Variants in GP9 observed in about 807,000 individuals in gnomAD.
The protein encoded by GP9 is glycoprotein IX platelet, also known as platelet glycoprotein IX.
For missense variants in GP9, 228 were observed against 241.8 expected (o/e 0.94, Z 0.38); for synonymous variants, 116 against 116.7 (o/e 0.99, Z 0.04).
chr3:129,062,364 C>A lies in GP9; in HGVS notation c.*91C>A. 1 of 849,590 alleles carries A rather than the reference C, an allele frequency of 1.2e-6. No homozygotes were observed. The highest frequency in any genetic ancestry group is 1.8e-6 in the Non-Finnish European group (1 of 547,560). The allele number at this position is 849,590 out of a possible 1,614,324, so 52.6% of individuals were successfully genotyped here. A position where few individuals can be genotyped will look rare whatever the true frequency, so the allele number is the denominator to read the frequency against. On this transcript the variant is annotated 3_prime_UTR_variant, in exon 3 of 3. Transcript: ENST00000307395. ...CACCAAGCCTGGTCAGCCCAAACCA[C>A]CAGAAGCCCAGAATAAACTGGCAGC...
chr3:129,055,054 G>T, the GP9 span, among the ~76,000 whole-genome samples: 1 of 152,212 alleles, frequency 6.6e-6, no homozygotes, highest in East Asian at 1.9e-4. Flanking sequence ...AGTCGGTCAT[G>T]TCAGTCTTAC....
rs919887424 is a variant in GP9, at chr3:129,062,293, T to C, written c.*20T>C. 2.0e-6 allele frequency: 3 copies of C among 1,525,582 alleles called. No homozygotes were observed. Among genetic ancestry groups the C allele is most frequent in the East Asian group, 2.5e-5 (1 of 40,658 alleles). 94.5% of individuals were successfully genotyped at this position (1,525,582 alleles called of 1,614,324 possible). On this transcript the variant is annotated 3_prime_UTR_variant, in exon 3 of 3. Transcript: ENST00000307395. ...GATTGAGCCAGGCCCCCAGAACCCC[T>C]GGCTCCAGGCCAGGGGGCCAGTCCC...
Sources: gnomAD v4.1 joint callset for allele counts (sites outside exome capture counted in the v4.1 genomes callset) on GRCh38, gnomAD v4.1.1 for gene constraint, MANE v1.5 for transcripts, NCBI Gene and HGNC (gene_info 2026-07-23, HGNC 2026-07-21) for gene names.